UTS2: variants seen among roughly 807,000 people sequenced by gnomAD.
UTS2 encodes the protein urotensin 2.
Under a neutral mutation model 12.6 loss-of-function variants are expected in UTS2, and 10 were observed. That is an observed-to-expected ratio of 0.80 (90% CI 0.49 to 1.35). The LOEUF (loss-of-function observed/expected upper bound fraction) is 1.35. Ranked by LOEUF, UTS2 falls within the 40% of genes most tolerant of loss-of-function variation. The pLI, the probability that UTS2 is intolerant of heterozygous loss-of-function variation, is 0.00. For synonymous variants in UTS2, 52 were observed against 50.0 expected, an observed-to-expected ratio of 1.04 and a Z score of -0.17; for missense variants, 142 against 143.2, an observed-to-expected ratio of 0.99 and a Z score of 0.04.
At chr1:7,870,067 T>C in the UTS2 span, among the ~76,000 whole-genome samples, 2 of 152,208 alleles carry the variant, frequency 1.3e-5, no homozygotes, top group Non-Finnish European at 2.9e-5. Context: ...TCATTTCTAT[T>C]TCTTCTCTTT....
the UTS2 span, among the ~76,000 whole-genome samples, chr1:7,903,604 G>A: frequency 6.6e-6 from 1 of 151,958 alleles, no homozygotes; most frequent in East Asian, 1.9e-4. Context: ...CGGCCAGGCT[G>A]GTCTCGAACT....
At chr1:7,909,828 G>A in the UTS2 span, among the ~76,000 whole-genome samples, 1 of 151,920 alleles carries the variant, frequency 6.6e-6, no homozygotes, top group Non-Finnish European at 1.5e-5. Flanking sequence ...CAACATGTTG[G>A]CCAGGCTGGT....
intron 3 of UTS2, 53 bp from the exon 4 acceptor site, chr1:7,847,935 A>G: frequency 7.9e-7 from 1 of 1,260,312 alleles, no homozygotes; most frequent in Non-Finnish European, 1.1e-6. Context: ...TAAGTTACCA[A>G]CGAGTGACGA....
chr1:7,883,678 A>C, the UTS2 span, among the ~76,000 whole-genome samples: 1 of 152,142 alleles, frequency 6.6e-6, no homozygotes, highest in African/African-American at 2.4e-5. Context: ...TCATGTATCA[A>C]TTTTTAAAAA....
chr1:7,855,291 T>C (rs116789975), upstream of UTS2, among the ~76,000 whole-genome samples: 502 of 150,926 alleles, frequency 3.3e-3, 5 homozygotes, highest in African/African-American at 0.012. Flanking sequence ...GGTAAGAAAA[T>C]GAAAAAGCCG....
chr1:7,880,701 G>T, the UTS2 span, among the ~76,000 whole-genome samples: 2 of 152,270 alleles, frequency 1.3e-5, no homozygotes, highest in South Asian at 2.1e-4. Context: ...AGGACTGAAA[G>T]ATTTTACTGC....
chr1:7,885,622 GCTGGGCGGGGT>G, the UTS2 span, among the ~76,000 whole-genome samples: 2 of 152,050 alleles, frequency 1.3e-5, no homozygotes, highest in South Asian at 4.2e-4. Flanking sequence ...ACAGCCCAGG[GCTGGGCGGGGT>G]CTGGCAAGGT....
the UTS2 span, among the ~76,000 whole-genome samples, chr1:7,863,031 TTGTATTGTATTGTATTG>T: frequency 0.024 from 728 of 30,088 alleles, 23 homozygotes; most frequent in Middle Eastern, 0.08. Context: ...TTGTATTGTA[TTGTATTGTATTGTATTG>T]TATTGTATTG....
At chr1:7,859,609 G>GC in the UTS2 span, among the ~76,000 whole-genome samples, 8 of 152,228 alleles carry the variant, frequency 5.3e-5, no homozygotes, top group Non-Finnish European at 1.0e-4. Context: ...CATGCGCCCA[G>GC]CATGTTTGCC....
the UTS2 span, among the ~76,000 whole-genome samples, chr1:7,880,982 C>T: frequency 6.6e-6 from 1 of 152,108 alleles, no homozygotes; most frequent in African/African-American, 2.4e-5. Flanking sequence ...AGGGATTCCG[C>T]AAAGATGGCG....
the UTS2 span, among the ~76,000 whole-genome samples, chr1:7,887,013 C>A: frequency 1.6e-5 from 2 of 128,154 alleles, no homozygotes; most frequent in East Asian, 4.4e-4. Context: ...TGCACTCCAG[C>A]CTGGGCGACA....
chr1:7,857,460 T>C (rs1638336670), upstream of UTS2, among the ~76,000 whole-genome samples: 1 of 110,336 alleles, frequency 9.1e-6, no homozygotes, highest in Non-Finnish European at 1.8e-5. Flanking sequence ...GAATATCAGG[T>C]AGTTACTACT....
At chr1:7,853,451 G>A, upstream of UTS2, 2 of 1,608,846 alleles carry the variant, frequency 1.2e-6, no homozygotes. Flanking sequence ...TTTCATGAGT[G>A]AGTAGATGAG....
chr1:7,854,536 G>GGAAA (rs1638264483), upstream of UTS2, among the ~76,000 whole-genome samples: 1 of 143,772 alleles, frequency 7.0e-6, no homozygotes, highest in Non-Finnish European at 1.5e-5. Context: ...AAAGAAGAAA[G>GGAAA]AAAAGTGGTT....
chr1:7,863,286 T>G, the UTS2 span, among the ~76,000 whole-genome samples: 1 of 151,962 alleles, frequency 6.6e-6, no homozygotes, highest in Admixed American at 6.6e-5. Flanking sequence ...TAATTTTGTA[T>G]TTTTAGTAGA....
the UTS2 span, among the ~76,000 whole-genome samples, chr1:7,861,688 C>T: frequency 0.021 from 3,203 of 152,232 alleles, 107 homozygotes; most frequent in African/African-American, 0.073. Flanking sequence ...TTGGTGCCCA[C>T]CACTGCCCCG....
At chr1:7,884,733 A>G in the UTS2 span, among the ~76,000 whole-genome samples, 18 of 152,098 alleles carry the variant, frequency 1.2e-4, no homozygotes, top group African/African-American at 4.1e-4. Flanking sequence ...CAACCCATCC[A>G]TCCATTTATC....
the UTS2 span, among the ~76,000 whole-genome samples, chr1:7,888,667 G>A: frequency 1.7e-4 from 26 of 152,164 alleles, no homozygotes; most frequent in Non-Finnish European, 2.9e-4. Context: ...CTCCTACTTC[G>A]TCAGACCACA....
At chr1:7,912,835 C>A in the UTS2 span, among the ~76,000 whole-genome samples, 1 of 152,082 alleles carries the variant, frequency 6.6e-6, no homozygotes, top group Non-Finnish European at 1.5e-5. Context: ...AGCCAGCAGT[C>A]CCCTCTGCAG....
Sources: gnomAD v4.1 joint callset for allele counts (sites outside exome capture counted in the v4.1 genomes callset) on GRCh38, gnomAD v4.1.1 for gene constraint, MANE v1.5 for transcripts, NCBI Gene and HGNC (gene_info 2026-07-23, HGNC 2026-07-21) for gene names.